The following FAM76A variants were observed in gnomAD, a reference collection of about 807,000 sequenced individuals.
FAM76A encodes the protein family with sequence similarity 76 member A.
In FAM76A, 32 loss-of-function variants were observed where a neutral mutation model predicts 46.2. The observed-to-expected ratio is 0.69, with a 90% confidence interval of 0.52 to 0.93. FAM76A has a LOEUF of 0.93. Ranked by LOEUF, FAM76A falls within the 40% of genes least tolerant of loss-of-function variation. FAM76A has a pLI of 0.00. For missense variants in FAM76A, 274 were observed against 361.5 expected, an observed-to-expected ratio of 0.76 and a Z score of 1.96; for synonymous variants, 137 against 127.0, an observed-to-expected ratio of 1.08 and a Z score of -0.53.
At chr1:27,731,265 G>T (rs566050933) in intron 2 of FAM76A, among the ~76,000 whole-genome samples, 2 of 145,172 alleles carry the variant, frequency 1.4e-5, no homozygotes, top group African/African-American at 5.2e-5. Context: ...GTGCAATGGC[G>T]CAATCTTGGC....
At chr1:27,742,796 C>T (rs2148576433) in intron 4 of FAM76A, among the ~76,000 whole-genome samples, 1 of 152,284 alleles carries the variant, frequency 6.6e-6, no homozygotes, top group Non-Finnish European at 1.5e-5. Flanking sequence ...TGCAGTGGCT[C>T]ACGCCTGTAA....
At chr1:27,730,126 A>G (rs915728712) in intron 2 of FAM76A, 3 of 172,328 alleles carry the variant, frequency 1.7e-5, no homozygotes, top group Non-Finnish European at 3.8e-5. Context: ...TACACTATAC[A>G]TACAAATTAA....
intron 4 of FAM76A, among the ~76,000 whole-genome samples, chr1:27,743,476 A>T (rs973228703): frequency 2.0e-4 from 30 of 152,286 alleles, no homozygotes; most frequent in African/African-American, 6.5e-4. Flanking sequence ...GTCATTTTTT[A>T]AAAAATGGCC....
rs1410682331 is a variant in FAM76A, at chr1:27,760,536, C to A, written c.879C>A (p.Ser293=). 4 of 1,612,200 alleles carry A rather than the reference C, an allele frequency of 2.5e-6. No homozygotes were observed. The highest frequency in any genetic ancestry group is 1.1e-5 in the South Asian group (1 of 90,924). The change falls in exon 9 of 9, where the codon TCC becomes TCA. Residue 293 remains serine, a synonymous_variant. Coordinates refer to ENST00000373954, the MANE Select transcript of FAM76A (RefSeq NM_152660.3). The part of the protein sequence containing the change: ...RELLKQAAAL[S]KSKKSEKSGA... Reference sequence around the variant, plus strand: ...TCCTGAAGCAGGCAGCTGCTTTGTCCAAGAGCAAGAAGTCAGAGAAGTCAG... The same window carrying A: ...TCCTGAAGCAGGCAGCTGCTTTGTCAAAGAGCAAGAAGTCAGAGAAGTCAG...
chr1:27,732,682 A>C (rs2087980195), intron 3 of FAM76A, 25 bp downstream of exon 3: 1 of 1,594,562 alleles, frequency 6.3e-7, no homozygotes. Context: ...TTCAAACCTA[A>C]CAGTGAGTAC....
chr1:27,744,698 A>G lies in FAM76A; in HGVS notation c.399A>G (p.Lys133=), dbSNP rs2088212259. The part of the protein sequence containing the change: ...LLCWLCTLSY[K]RVLQKTKEQR... ...GCTGGCTGTGCACACTTTCATACAA[A>G]CGGGTCCTTCAGAAGACCAAAGAGC... is the stretch of plus-strand genomic sequence containing the variant. Residue 133 remains lysine (K), a synonymous_variant, in exon 5 of 9, where the codon AAA becomes AAG. Coordinates refer to ENST00000373954, the MANE Select transcript of FAM76A (RefSeq NM_152660.3). 6.2e-7 allele frequency: 1 copy of G among 1,614,128 alleles called. No individual in the cohort carries two copies. Among genetic ancestry groups the G allele is most frequent in the African/African-American group, 1.3e-5 (1 of 75,012 alleles).
intron 4 of FAM76A, 66 bp downstream of exon 4, chr1:27,734,249 T>G: frequency 3.3e-6 from 5 of 1,508,722 alleles, no homozygotes; most frequent in South Asian, 2.6e-5. Context: ...CTAACTGTGT[T>G]AAAAACACAT....
At chr1:27,759,491 A>C in intron 7 of FAM76A, 35 bp from the exon 8 acceptor site, 1 of 1,495,042 alleles carries the variant, frequency 6.7e-7, no homozygotes, top group Non-Finnish European at 9.1e-7. Flanking sequence ...ATTGCACAGA[A>C]ATTTCTTCTG....
At chr1:27,739,416 GA>G (rs1446280790) in intron 4 of FAM76A, 1 of 509,818 alleles carries the variant, frequency 2.0e-6, no homozygotes, top group Non-Finnish European at 4.0e-6. Context: ...CAACCTCGTG[GA>G]AATGTTTTTC....
In FAM76A at chr1:27,748,786, T is replaced by C. The variant is rs573033537; in HGVS notation, c.513-282T>C. Among the ~76,000 whole-genome samples the C allele has an allele frequency of 2.0e-5, 3 of 152,314 alleles. No homozygotes were observed. The East Asian group carries it at 5.8e-4, about 29-fold the overall frequency. ...GTGAGCCACCGCACCCGGCCTCTTA[T>C]TGAAGTTTTATTGATATTTGTTCTC... On this transcript the variant is annotated intron_variant, in intron 5 of 8. Transcript: ENST00000373954.
chr1:27,760,491 T>G lies in FAM76A; in HGVS notation c.838-4T>G. The G allele has an allele frequency of 6.2e-7, 1 of 1,606,850 alleles. No individual in the cohort carries two copies. Among genetic ancestry groups the G allele is most frequent in the Non-Finnish European group, 8.5e-7 (1 of 1,176,518 alleles). On this transcript the variant is annotated splice_polypyrimidine_tract_variant and splice_region_variant and intron_variant, in intron 8 of 8. Coordinates refer to ENST00000373954, the MANE Select transcript of FAM76A (RefSeq NM_152660.3). ...CTTCTTGCACTGATTTTTTTTTTCT[T>G]TAGGCCAAAAACCGAGAGCTCCTGA...
rs2088064022 is a variant in FAM76A, at chr1:27,737,231, GA to G, written c.354+3049del. ...CCCAAAGTGCTAGGATTACAAGCAT[GA>G]GCCACCGTGCCCGGCCTGCTCTTTT... On this transcript the variant is annotated intron_variant, in intron 4 of 8. Coordinates refer to ENST00000373954, the MANE Select transcript of FAM76A (RefSeq NM_152660.3). Among the ~76,000 whole-genome samples the G allele has an allele frequency of 2.0e-5, 3 of 152,136 alleles. No individual in the cohort carries two copies. In the South Asian group the frequency reaches 6.2e-4, roughly 31 times the overall value.
At chr1:27,746,694 T>A (rs2088246378) in intron 5 of FAM76A, among the ~76,000 whole-genome samples, 1 of 152,088 alleles carries the variant, frequency 6.6e-6, no homozygotes, top group African/African-American at 2.4e-5. Context: ...GCCACCGCAC[T>A]CCATGCTCGG....
At chr1:27,759,700 G>C (rs1451623485) in intron 8 of FAM76A, 73 bp downstream of exon 8, 2 of 955,980 alleles carry the variant, frequency 2.1e-6, no homozygotes, top group East Asian at 5.2e-5. Flanking sequence ...TGTATTTTAA[G>C]TGATCATCTC....
Position 27,734,129 on chromosome 1 carries a change from T to C in FAM76A, c.300T>C (p.Ser100=). The C allele has an allele frequency of 1.2e-6, 2 of 1,612,700 alleles. No homozygotes were observed. The highest frequency in any genetic ancestry group is 1.7e-6 in the Non-Finnish European group (2 of 1,179,740). The change falls in exon 4 of 9, where the codon TCT becomes TCC. Residue 100 remains serine (S), a synonymous_variant. Transcript: ENST00000373954. The stretch of plus-strand genomic sequence containing the variant: ...AAAAGAAGTATGGACCACCCTATTC[T>C]TGTGAACAGTGCAAGCAGCAGTGTG... ...NSEKKYGPPY[S]CEQCKQQCAF...
Position 27,760,769 on chromosome 1 carries a change from T to C in FAM76A, c.*188T>C, listed in dbSNP as rs2088490217. 3.1e-6 allele frequency: 1 copy of C among 318,298 alleles called. No individual in the cohort carries two copies. Among genetic ancestry groups the C allele is most frequent in the Non-Finnish European group, 6.1e-6 (1 of 164,238 alleles). 19.7% of individuals were successfully genotyped at this position (318,298 alleles called of 1,614,324 possible). ...GTTTGTGCTGTGTTAGACTGCATGCTTGAGTGTTTGGGATTTCAAGCTCGC... is the reference window on the plus strand; with the variant it reads ...GTTTGTGCTGTGTTAGACTGCATGCCTGAGTGTTTGGGATTTCAAGCTCGC... On this transcript the variant is annotated 3_prime_UTR_variant, in exon 9 of 9. Coordinates refer to ENST00000373954, the MANE Select transcript of FAM76A (RefSeq NM_152660.3).
intron 7 of FAM76A, among the ~76,000 whole-genome samples, chr1:27,756,569 G>C (rs1284795733): frequency 6.6e-6 from 1 of 151,776 alleles, no homozygotes; most frequent in Non-Finnish European, 1.5e-5. Flanking sequence ...GGGATTACAG[G>C]TGTGAGCCAC....
At chr1:27,741,144 AC>A (rs1213491177) in intron 4 of FAM76A, among the ~76,000 whole-genome samples, 2 of 151,278 alleles carry the variant, frequency 1.3e-5, no homozygotes, top group African/African-American at 2.4e-5. Flanking sequence ...AAAAAAAAAA[AC>A]AACAACAATT....
In FAM76A at chr1:27,761,456, G is replaced by A. The variant is rs964528682; in HGVS notation, c.*875G>A. 4.6e-5 allele frequency: 7 copies of A among 152,664 alleles called. No homozygotes were observed. The highest frequency in any genetic ancestry group is 2.1e-4 in the South Asian group (1 of 4,822). The allele number at this position is 152,664 out of a possible 1,614,324, so 9.5% of individuals were successfully genotyped here. On this transcript the variant is annotated 3_prime_UTR_variant, in exon 9 of 9. Coordinates refer to ENST00000373954, the MANE Select transcript of FAM76A (RefSeq NM_152660.3). ...AAGGGAGGTAGCAAAGATTTGAACC[G>A]TCTGTCTTTTTAAGTAAGGGCAGAA...
Sources: gnomAD v4.1 joint callset for allele counts (sites outside exome capture counted in the v4.1 genomes callset) on GRCh38, gnomAD v4.1.1 for gene constraint, MANE v1.5 for transcripts, NCBI Gene and HGNC (gene_info 2026-07-23, HGNC 2026-07-21) for gene names.